The following TRIB2 variants were observed in gnomAD, a reference collection of about 807,000 sequenced individuals.
TRIB2 encodes the protein tribbles homolog 2.
Under a neutral mutation model 26.8 loss-of-function variants are expected in TRIB2, and 2 were observed. The observed-to-expected ratio is 0.07, with a 90% CI of 0.03 to 0.24. TRIB2 has a LOEUF of 0.24. Ranked by LOEUF, TRIB2 falls within the 10% of genes least tolerant of loss-of-function variation. TRIB2 has a pLI of 1.00. For synonymous variants in TRIB2, 189 were observed against 187.3 expected (o/e 1.01, Z -0.08); for missense variants, 306 against 449.0 (o/e 0.68, Z 2.88).
chr2:12,734,989 T>C (rs1217992646), intron 2 of TRIB2, among the ~76,000 whole-genome samples: 2 of 152,122 alleles, frequency 1.3e-5, no homozygotes, highest in Admixed American at 6.5e-5. Context: ...CAGCCCTCTT[T>C]CCCAGAGGAG....
intron 2 of TRIB2, among the ~76,000 whole-genome samples, chr2:12,724,203 A>G (rs1661287533): frequency 6.6e-6 from 1 of 152,210 alleles, no homozygotes; most frequent in African/African-American, 2.4e-5. Context: ...ATTTCAGGAA[A>G]TGTGGGAAAG....
intron 2 of TRIB2, chr2:12,724,860 C>G: frequency 6.3e-7 from 1 of 1,595,720 alleles, no homozygotes; most frequent in Non-Finnish European, 8.5e-7. Context: ...ATGTTGACCC[C>G]CAACGATACT....
intron 1 of TRIB2, among the ~76,000 whole-genome samples, chr2:12,721,345 C>A (rs1484554030): frequency 6.6e-6 from 1 of 152,144 alleles, no homozygotes; most frequent in Non-Finnish European, 1.5e-5. Context: ...TTTGTAAATG[C>A]ACCTGGAAAC....
rs1661713279 is a variant in TRIB2, at chr2:12,741,579, G to A, written c.*785G>A. On this transcript the variant is annotated 3_prime_UTR_variant, in exon 3 of 3. Transcript: ENST00000155926. Reference sequence around the variant, plus strand: ...GGGGAAAGAAAAGGGAAGAAGAAAGGAAAAGAGAAATCCAACTCCTTTTTC... The same window carrying A: ...GGGGAAAGAAAAGGGAAGAAGAAAGAAAAAGAGAAATCCAACTCCTTTTTC... 6.6e-6 allele frequency: 1 copy of A among 152,230 alleles called. No homozygotes were observed. The highest frequency in any genetic ancestry group is 2.4e-5 in the African/African-American group (1 of 41,452). The allele number at this position is 152,230 out of a possible 1,614,324, so 9.4% of individuals were successfully genotyped here.
At chr2:12,731,242 C>T (rs1215315181) in intron 2 of TRIB2, among the ~76,000 whole-genome samples, 1 of 151,938 alleles carries the variant, frequency 6.6e-6, no homozygotes, top group Non-Finnish European at 1.5e-5. Context: ...TGGGGAGGTC[C>T]CAGAAGGCAT....
At chr2:12,723,848 A>C (rs1661279930) in intron 2 of TRIB2, among the ~76,000 whole-genome samples, 1 of 152,216 alleles carries the variant, frequency 6.6e-6, no homozygotes, top group Non-Finnish European at 1.5e-5. Context: ...AACCTCTTTG[A>C]CATTTTCAAT....
In TRIB2 at chr2:12,717,545, G is replaced by A. The variant is rs993737263; in HGVS notation, c.-763G>A. 1 of 398,352 alleles carries A rather than the reference G, an allele frequency of 2.5e-6. No homozygotes were observed. The highest frequency in any genetic ancestry group is 3.6e-5 in the East Asian group (1 of 28,070). 24.7% of individuals were successfully genotyped at this position (398,352 alleles called of 1,614,324 possible). Reference sequence around the variant, plus strand: ...AGCCCGCGCCGCAACTCTGTGCCCAGCTTTTGCAATCTTTTGTTGGCAGCG... The same window carrying A: ...AGCCCGCGCCGCAACTCTGTGCCCAACTTTTGCAATCTTTTGTTGGCAGCG... On this transcript the variant is annotated 5_prime_UTR_variant, in exon 1 of 3. Transcript: ENST00000155926. The surrounding 1 kb of genome is among the most constrained non-coding windows in gnomAD (Gnocchi z 4.8).
chr2:12,730,491 G>A (rs1661431119), intron 2 of TRIB2, among the ~76,000 whole-genome samples: 1 of 152,192 alleles, frequency 6.6e-6, no homozygotes, highest in African/African-American at 2.4e-5. Context: ...GACTAGCCAG[G>A]GTCAAAACTC....
intron 2 of TRIB2, among the ~76,000 whole-genome samples, chr2:12,724,097 G>A (rs1300797152): frequency 6.6e-6 from 1 of 152,226 alleles, no homozygotes; most frequent in Non-Finnish European, 1.5e-5. Flanking sequence ...GAGAACTGGG[G>A]TGGTGGGGAC....
At chr2:12,730,876 G>C (rs1032998325) in intron 2 of TRIB2, among the ~76,000 whole-genome samples, 1 of 152,114 alleles carries the variant, frequency 6.6e-6, no homozygotes, top group African/African-American at 2.4e-5. Flanking sequence ...TCATGAAACC[G>C]AGTCCAGGCT....
At chr2:12,734,605 T>C (rs1474030387) in intron 2 of TRIB2, among the ~76,000 whole-genome samples, 4 of 152,150 alleles carry the variant, frequency 2.6e-5, no homozygotes, top group African/African-American at 9.7e-5. Flanking sequence ...TTTTTGCAGA[T>C]CTACCATGCT....
chr2:12,724,760 C>T (rs759964561), intron 2 of TRIB2: 194 of 1,612,750 alleles, frequency 1.2e-4, no homozygotes, highest in Non-Finnish European at 1.5e-4. Context: ...CTGTTACCTT[C>T]TGTATGCTGT....
At chr2:12,729,327 T>G (rs1035478211) in intron 2 of TRIB2, among the ~76,000 whole-genome samples, 21 of 152,198 alleles carry the variant, frequency 1.4e-4, no homozygotes, top group African/African-American at 5.1e-4. Flanking sequence ...GGTTGGGCCT[T>G]GCTATTTGTT....
chr2:12,721,017 A>G (rs1259520593), intron 1 of TRIB2, among the ~76,000 whole-genome samples: 1 of 152,172 alleles, frequency 6.6e-6, no homozygotes, highest in African/African-American at 2.4e-5. Context: ...CAAATTAAAC[A>G]TGTAAAGAAG....
At chr2:12,724,625 T>A (rs761976611) in intron 2 of TRIB2, 3 of 1,611,602 alleles carry the variant, frequency 1.9e-6, no homozygotes, top group Non-Finnish European at 2.5e-6. Context: ...TCTCTTCCGC[T>A]CAGATGCCTC....
chr2:12,722,099 T>C (rs1661232441), intron 1 of TRIB2, among the ~76,000 whole-genome samples: 1 of 152,184 alleles, frequency 6.6e-6, no homozygotes, highest in South Asian at 2.1e-4. Context: ...ATCCAGATTA[T>C]TGGTGGCAGG....
intron 2 of TRIB2, among the ~76,000 whole-genome samples, chr2:12,738,411 G>A (rs1661633005): frequency 6.6e-6 from 1 of 152,166 alleles, no homozygotes; most frequent in South Asian, 2.1e-4. Flanking sequence ...CTTTTGAGAT[G>A]AAGGAAATAC....
At chr2:12,729,474 C>G (rs114126710) in intron 2 of TRIB2, among the ~76,000 whole-genome samples, 1,743 of 152,228 alleles carry the variant, frequency 0.011, 31 homozygotes, top group African/African-American at 0.04. Flanking sequence ...ACGTATACAT[C>G]CCCTATGGAG....
Position 12,740,744 on chromosome 2 carries a change from C to T in TRIB2, c.982C>T (p.Leu328=), listed in dbSNP as rs773666083. The T allele has an allele frequency of 1.9e-6, 3 of 1,614,186 alleles. No homozygotes were observed. ...AYGAKEVSDQ[L]VPDVNMEENL... ...TGGTGCTAAGGAAGTGTCTGACCAG[C>T]TGGTGCCGGACGTCAACATGGAAGA... is the stretch of plus-strand genomic sequence containing the variant. Residue 328 remains leucine (L), a synonymous_variant, in exon 3 of 3, where the codon CTG becomes TTG. Coordinates refer to ENST00000155926, the MANE Select transcript of TRIB2 (RefSeq NM_021643.4). This position sits in a 1 kb window ranked among gnomAD's most constrained non-coding sequence, Gnocchi z 5.8.
Sources: allele counts gnomAD v4.1 joint callset (sites outside exome capture counted in the v4.1 genomes callset), GRCh38; gene constraint gnomAD v4.1.1; non-coding constraint Gnocchi (gnomAD v3.1); transcripts MANE v1.5; gene names NCBI Gene and HGNC (gene_info 2026-07-23, HGNC 2026-07-21).